Variants in UBAP2 observed in about 807,000 individuals in gnomAD.
UBAP2 encodes the protein ubiquitin associated protein 2.
In UBAP2, 75 loss-of-function variants were observed where a neutral mutation model predicts 139.6. That is an observed-to-expected ratio of 0.54 (90% CI 0.45 to 0.65). UBAP2 has a LOEUF of 0.65. Ranked by LOEUF, UBAP2 falls within the 30% of genes least tolerant of loss-of-function variation. UBAP2 has a pLI of 0.00. For synonymous variants in UBAP2, 526 were observed against 526.2 expected, an observed-to-expected ratio of 1.00 and a Z score of 0.01; for missense variants, 1,368 against 1,369.6, an observed-to-expected ratio of 1.00 and a Z score of 0.02.
At chr9:34,039,186 G>C (rs1330481020) in intron 1 of UBAP2, among the ~76,000 whole-genome samples, 1 of 151,288 alleles carries the variant, frequency 6.6e-6, no homozygotes, top group African/African-American at 2.4e-5. Context: ...TTCCGGGAGG[G>C]AGGTGGGGGG....
intron 2 of UBAP2, among the ~76,000 whole-genome samples, chr9:34,016,356 AGCGGCG>A (rs1363310950): frequency 1.0e-4 from 2 of 20,022 alleles, no homozygotes; most frequent in South Asian, 2.5e-3. Context: ...AGGAGGCAGC[AGCGGCG>A]GCAGCGGCGG....
intron 3 of UBAP2, chr9:33,998,175 A>T (rs1822355407): frequency 6.6e-6 from 1 of 152,284 alleles, no homozygotes; most frequent in African/African-American, 2.4e-5. Context: ...GCCAAGGCAG[A>T]TTGCTTGAGC....
intron 10 of UBAP2, among the ~76,000 whole-genome samples, chr9:33,958,853 T>TAAAATTAAAAAAAGG (rs1234157450): frequency 6.6e-6 from 1 of 151,360 alleles, no homozygotes; most frequent in Non-Finnish European, 1.5e-5. Context: ...ACCTAGTCTC[T>TAAAATTAAAAAAAGG]AAAATTAAAA....
At chr9:34,018,976 G>T (rs986490788) in intron 1 of UBAP2, among the ~76,000 whole-genome samples, 1 of 152,134 alleles carries the variant, frequency 6.6e-6, no homozygotes, top group Non-Finnish European at 1.5e-5. Context: ...TAGATGAATG[G>T]ATAAGCAAAA....
intron 6 of UBAP2, 40 bp downstream of exon 6, chr9:33,986,720 C>T: frequency 6.4e-7 from 1 of 1,563,214 alleles, no homozygotes; most frequent in Non-Finnish European, 8.8e-7. Context: ...GCTTCTTCCC[C>T]CTAATTGAAA....
intron 16 of UBAP2, 77 bp downstream of exon 16, chr9:33,941,572 A>G: frequency 4.8e-6 from 6 of 1,238,598 alleles, no homozygotes; most frequent in Non-Finnish European, 7.0e-6. Flanking sequence ...ATCATATCCA[A>G]GAAGCATAAT....
In UBAP2 at chr9:34,014,439, G is replaced by C. The variant is rs139156856; in HGVS notation, c.99+2611C>G. Among the ~76,000 whole-genome samples, 752 of 151,758 alleles carry C rather than the reference G, an allele frequency of 5.0e-3. 7 individuals carry two copies. The highest frequency in any genetic ancestry group is 0.017 in the African/African-American group (684 of 41,352). On this transcript the variant is annotated intron_variant, in intron 2 of 28. Coordinates refer to ENST00000379238, the MANE Select transcript of UBAP2 (RefSeq NM_001370062.2). ...GGCTCAGGTGTTGGAGACCAGGCTG[G>C]GCAACATGGTGAAACCCTGTCTCTA...
At chr9:33,926,527 G>A (rs1564014748) in intron 22 of UBAP2, 90 bp downstream of exon 22, 1 of 1,434,088 alleles carries the variant, frequency 7.0e-7, no homozygotes, top group Non-Finnish European at 9.8e-7. Flanking sequence ...GGATCCTAAG[G>A]GCCAGAGAGT....
At chr9:33,989,259 T>TGGC (rs1821487641) in intron 4 of UBAP2, 133 bp from the exon 5 acceptor site, 1 of 1,026,538 alleles carries the variant, frequency 9.7e-7, no homozygotes, top group South Asian at 2.1e-5. Flanking sequence ...CTGGAGTGCA[T>TGGC]GGCGCCCTCT....
chr9:34,001,801 T>C (rs561496149), intron 2 of UBAP2, among the ~76,000 whole-genome samples: 14 of 152,120 alleles, frequency 9.2e-5, no homozygotes, highest in Non-Finnish European at 1.8e-4. Flanking sequence ...CAGATTCAGG[T>C]AGCCTTGTTC....
chr9:33,922,747 C>T lies in UBAP2; in HGVS notation c.3204G>A (p.Leu1068=). The change falls in exon 28 of 29, where the codon TTG becomes TTA. Residue 1068 remains leucine (L), a synonymous_variant. Coordinates refer to ENST00000379238, the MANE Select transcript of UBAP2 (RefSeq NM_001370062.2). ...GYAPPPFLHI[L]PAHQQPHSQL... is the part of the protein sequence containing the mutation. ...GTGAGTGGGGCTGCTGGTGGGCTGGCAAGATGTGTAGGAATGGTGGGGGTG... is the reference window on the plus strand; with the variant it reads ...GTGAGTGGGGCTGCTGGTGGGCTGGTAAGATGTGTAGGAATGGTGGGGGTG... 4 of 1,556,466 alleles carry T rather than the reference C, an allele frequency of 2.6e-6. No homozygotes were observed. The highest frequency in any genetic ancestry group is 1.2e-5 in the South Asian group (1 of 80,816).
intron 1 of UBAP2, among the ~76,000 whole-genome samples, chr9:34,038,674 G>GCCGAGATTGTAGCCTCTGC (rs1357802100): frequency 1.3e-5 from 2 of 152,156 alleles, no homozygotes; most frequent in African/African-American, 2.4e-5. Flanking sequence ...CTCCCAAAGT[G>GCCGAGATTGTAGCCTCTGC]CCGAGATTGT....
At position 33,956,147 on chromosome 9, in the gene UBAP2, C is replaced by T. The variant is rs906465487; in HGVS notation, c.799-1G>A. On this transcript the variant is annotated splice_acceptor_variant, in intron 10 of 28. Transcript: ENST00000379238. LOFTEE classifies it high-confidence loss of function. The stretch of plus-strand genomic sequence containing the variant: ...CAGTGAAGACCTTTGTTTCAGAAAG[C>T]TGTATGGAAAGTTGAAAAATTTAAT... The T allele has an allele frequency of 6.2e-7, 1 of 1,612,954 alleles. No homozygotes were observed. Among genetic ancestry groups the T allele is most frequent in the African/African-American group, 1.3e-5 (1 of 74,866 alleles).
At chr9:33,962,326 T>C (rs1827110106) in intron 9 of UBAP2, among the ~76,000 whole-genome samples, 1 of 152,214 alleles carries the variant, frequency 6.6e-6, no homozygotes, top group South Asian at 2.1e-4. Context: ...AAGAATGGCC[T>C]ACCATGGCAA....
chr9:33,988,869 G>A (rs909270574), intron 5 of UBAP2, 104 bp downstream of exon 5: 1 of 1,253,896 alleles, frequency 8.0e-7, no homozygotes, highest in South Asian at 1.5e-5. Flanking sequence ...AGAAAGCTGA[G>A]CGCAGTGACT....
At chr9:33,977,362 AAATCT>A (rs1291625103) in intron 6 of UBAP2, among the ~76,000 whole-genome samples, 1 of 152,104 alleles carries the variant, frequency 6.6e-6, no homozygotes, top group Non-Finnish European at 1.5e-5. Flanking sequence ...AAAAATTAAA[AAATCT>A]AATCCATCGT....
In UBAP2 at chr9:33,952,828, T is replaced by C. The variant is rs562103401; in HGVS notation, c.1056+457A>G. ...AATCATCAGATATGTGCTTGGAAAT[T>C]ACCACATCATTGTTTTCTGGACTAA... On this transcript the variant is annotated intron_variant, in intron 12 of 28. Coordinates refer to ENST00000379238, the MANE Select transcript of UBAP2 (RefSeq NM_001370062.2). 5.8e-5 allele frequency: 9 copies of C among 154,848 alleles called. No homozygotes were observed. In the South Asian group the frequency reaches 1.6e-3, roughly 28 times the overall value. The allele number at this position is 154,848 out of a possible 1,614,324, so 9.6% of individuals were successfully genotyped here. A position where few individuals can be genotyped will look rare whatever the true frequency, so the allele number is the denominator to read the frequency against.
At chr9:33,942,902 GAATGGTT>G (rs1825360279) in intron 15 of UBAP2, among the ~76,000 whole-genome samples, 1 of 152,138 alleles carries the variant, frequency 6.6e-6, no homozygotes, top group African/African-American at 2.4e-5. Flanking sequence ...GGAGTTTCCT[GAATGGTT>G]AAGTTACCAT....
At chr9:33,947,702 A>G (rs1437733856) in intron 13 of UBAP2, among the ~76,000 whole-genome samples, 1 of 151,962 alleles carries the variant, frequency 6.6e-6, no homozygotes, top group Non-Finnish European at 1.5e-5. Flanking sequence ...GCATGTGCCT[A>G]TAGTCCCACC....
Sources: gnomAD v4.1 joint callset for allele counts (sites outside exome capture counted in the v4.1 genomes callset) on GRCh38, gnomAD v4.1.1 for gene constraint, MANE v1.5 for transcripts, NCBI Gene and HGNC (gene_info 2026-07-23, HGNC 2026-07-21) for gene names.